The following OSBPL9 variants were observed in gnomAD, a reference collection of about 807,000 sequenced individuals.
OSBPL9 encodes the protein oxysterol-binding protein-related protein 9.
Under a neutral mutation model 106.6 loss-of-function variants are expected in OSBPL9, and 40 were observed. The observed-to-expected ratio is 0.38, with a 90% CI of 0.29 to 0.49. The LOEUF (loss-of-function observed/expected upper bound fraction) is 0.49, where lower values mean the gene tolerates loss of function less well. OSBPL9 is among the 20% of genes least tolerant of loss of function. The pLI, the probability that OSBPL9 is intolerant of heterozygous loss-of-function variation, is 0.97. For missense variants in OSBPL9, 609 were observed against 887.2 expected (o/e 0.69, Z 3.98); for synonymous variants, 269 against 295.4 (o/e 0.91, Z 0.92).
the OSBPL9 span, among the ~76,000 whole-genome samples, chr1:51,552,830 G>C: frequency 1.3e-5 from 2 of 151,738 alleles, no homozygotes; most frequent in African/African-American, 4.8e-5. Flanking sequence ...TCACCATCTT[G>C]GCCAGGCTTG....
chr1:51,549,346 A>T, the OSBPL9 span, among the ~76,000 whole-genome samples: 1 of 152,144 alleles, frequency 6.6e-6, no homozygotes, highest in African/African-American at 2.4e-5. Context: ...TCCTTCATGA[A>T]GTCTTTTCTC....
rs568788298 is a variant in OSBPL9, at chr1:51,592,366, C to T, written c.-422-5758C>T. 1.6e-3 allele frequency among the ~76,000 whole-genome samples: 239 copies of T among 152,238 alleles called. 4 individuals are homozygous for T. Among genetic ancestry groups the T allele is most frequent in the Admixed American group, 0.012 (185 of 15,286 alleles). On this transcript the variant is annotated intron_variant, in intron 1 of 25. Coordinates refer to the OSBPL9 transcript ENST00000371714. ...TCCGGACCTCGTGATCTGCCCATCTCGGCCTCCCAAAGTGCTGGGATTACA... is the reference window on the plus strand; with the variant it reads ...TCCGGACCTCGTGATCTGCCCATCTTGGCCTCCCAAAGTGCTGGGATTACA...
At chr1:51,532,980 A>G in the OSBPL9 span, among the ~76,000 whole-genome samples, 1 of 152,140 alleles carries the variant, frequency 6.6e-6, no homozygotes, top group Non-Finnish European at 1.5e-5. Context: ...TAATTATTAA[A>G]TGGTAATTGG....
chr1:51,599,018 A>G (rs1296386557), intron 2 of OSBPL9, among the ~76,000 whole-genome samples: 1 of 151,760 alleles, frequency 6.6e-6, no homozygotes, highest in Non-Finnish European at 1.5e-5. Flanking sequence ...AAAGTGTGAC[A>G]TGATGAACAT....
In OSBPL9 at chr1:51,617,287, C is replaced by T. The variant is rs962680259; in HGVS notation, c.111+66C>T. ...GCGTTTCCTGGGTGGAGGTGGGGGA[C>T]CGGGGTTTTAGGTGGCTGAGTTGAG... On this transcript the variant is annotated intron_variant, in intron 1 of 23. Coordinates refer to ENST00000428468, the MANE Select transcript of OSBPL9 (RefSeq NM_024586.6). 7 of 1,494,420 alleles carry T rather than the reference C, an allele frequency of 4.7e-6. No individual in the cohort carries two copies. The African/African-American group carries it at 8.4e-5, about 18-fold the overall frequency. The allele number at this position is 1,494,420 out of a possible 1,614,324, so 92.6% of individuals were successfully genotyped here. A position where few individuals can be genotyped will look rare whatever the true frequency, so the allele number is the denominator to read the frequency against.
In OSBPL9 at chr1:51,700,827, C is replaced by T. The variant is rs144640393; in HGVS notation, c.242-13176C>T. On this transcript the variant is annotated intron_variant, in intron 3 of 23. Transcript: ENST00000428468. ...TCTATGCCAATTTCCTGTTTCTTCT[C>T]ACTTTTGCCCATTGATTTTAGCCAT... Among the ~76,000 whole-genome samples the T allele has an allele frequency of 5.9e-5, 9 of 152,246 alleles. No homozygotes were observed. The East Asian group carries it at 1.7e-3, about 29-fold the overall frequency.
chr1:51,753,526 G>T (rs1669704340), intron 8 of OSBPL9, among the ~76,000 whole-genome samples: 1 of 152,140 alleles, frequency 6.6e-6, no homozygotes, highest in Admixed American at 6.5e-5. Flanking sequence ...AATATAAATT[G>T]TTATAGCCAC....
At chr1:51,663,295 A>T (rs1343637816) in intron 2 of OSBPL9, among the ~76,000 whole-genome samples, 2 of 148,710 alleles carry the variant, frequency 1.3e-5, no homozygotes, top group African/African-American at 2.5e-5. Context: ...TATGCTGGCA[A>T]GTGTGTGTGT....
At chr1:51,680,391 C>G (rs565040959) in intron 3 of OSBPL9, among the ~76,000 whole-genome samples, 1 of 152,138 alleles carries the variant, frequency 6.6e-6, no homozygotes, top group South Asian at 2.1e-4. Flanking sequence ...TGATAGCTCA[C>G]GCCTGTAATC....
chr1:51,722,162 AATAGATAG>A lies in OSBPL9; in HGVS notation c.318+8121_318+8128del, dbSNP rs3991279. Among the ~76,000 whole-genome samples the A allele has an allele frequency of 5.4e-3, 801 of 147,068 alleles. 5 individuals carry two copies. The highest frequency in any genetic ancestry group is 7.9e-3 in the South Asian group (36 of 4,560). On this transcript the variant is annotated intron_variant, in intron 4 of 23. Transcript: ENST00000428468. ...ATAATGAGACTCCATCTCTAAAATA[AATAGATAG>A]ATAGATAGATAGATAGATAGATAGA...
At chr1:51,530,440 C>G in the OSBPL9 span, among the ~76,000 whole-genome samples, 2 of 151,572 alleles carry the variant, frequency 1.3e-5, no homozygotes, top group Admixed American at 6.6e-5. Flanking sequence ...TATAAAGAAC[C>G]CTTACAACTC....
At chr1:51,745,689 T>A in intron 5 of OSBPL9, 58 bp downstream of exon 5, 1 of 1,416,448 alleles carries the variant, frequency 7.1e-7, no homozygotes, top group Non-Finnish European at 9.2e-7. Flanking sequence ...CTGAGCTTGA[T>A]TTTTGAGTAA....
At chr1:51,557,659 G>A in the OSBPL9 span, among the ~76,000 whole-genome samples, 5 of 152,200 alleles carry the variant, frequency 3.3e-5, no homozygotes, top group Non-Finnish European at 7.3e-5. Context: ...CATGTAAAGA[G>A]TATAGGTTTG....
chr1:51,775,799 C>T (rs1032596601), intron 14 of OSBPL9, among the ~76,000 whole-genome samples: 2 of 151,866 alleles, frequency 1.3e-5, no homozygotes, highest in Non-Finnish European at 2.9e-5. Context: ...TTAGTAGAGA[C>T]GGGGTTTCAC....
In OSBPL9 at chr1:51,789,152, G is replaced by A; in HGVS notation, c.*1363G>A. ...GCAAAACTTCAATGGAAGCCCTAAGGCAGTAGTATAACTAACTCCATAAAA... is the reference window on the plus strand; with the variant it reads ...GCAAAACTTCAATGGAAGCCCTAAGACAGTAGTATAACTAACTCCATAAAA... On this transcript the variant is annotated 3_prime_UTR_variant, in exon 24 of 24. Transcript: ENST00000428468. 3.2e-6 allele frequency: 4 copies of A among 1,267,570 alleles called. No individual in the cohort carries two copies. The highest frequency in any genetic ancestry group is 4.6e-6 in the Non-Finnish European group (4 of 869,672). The allele number at this position is 1,267,570 out of a possible 1,614,324, so 78.5% of individuals were successfully genotyped here.
chr1:51,741,785 C>G (rs1191441185), intron 4 of OSBPL9, among the ~76,000 whole-genome samples: 1 of 151,964 alleles, frequency 6.6e-6, no homozygotes, highest in Non-Finnish European at 1.5e-5. Context: ...ACCATTTTGT[C>G]TTTATTTCTC....
At chr1:51,576,681 A>G (rs560999991), upstream of OSBPL9, among the ~76,000 whole-genome samples, 82 of 151,900 alleles carry the variant, frequency 5.4e-4, no homozygotes, top group African/African-American at 1.9e-3. Flanking sequence ...GCATGCCACT[A>G]CACCTGGCTA....
chr1:51,766,725 C>T lies in OSBPL9; in HGVS notation c.938+744C>T, dbSNP rs531992919. Among the ~76,000 whole-genome samples the T allele has an allele frequency of 6.4e-3, 971 of 152,204 alleles. 7 individuals carry two copies. The highest frequency in any genetic ancestry group is 0.011 in the Non-Finnish European group (758 of 67,998). On this transcript the variant is annotated intron_variant, in intron 12 of 23. Transcript: ENST00000428468. ...GTCTACTTACAGGGAAATGGAAGTC[C>T]ACCTCAAATCTGTCTCTCTGCACTG...
intron 1 of OSBPL9, among the ~76,000 whole-genome samples, chr1:51,590,836 A>G (rs1570534011): frequency 2.0e-5 from 3 of 151,216 alleles, no homozygotes; most frequent in Admixed American, 6.6e-5. Flanking sequence ...TATAACCTCA[A>G]ACTTCTGGGT....
Sources: allele counts gnomAD v4.1 joint callset (sites outside exome capture counted in the v4.1 genomes callset), GRCh38; gene constraint gnomAD v4.1.1; transcripts MANE v1.5; gene names NCBI Gene and HGNC (gene_info 2026-07-23, HGNC 2026-07-21).